Variants in ZNF560 observed in about 807,000 individuals in gnomAD.
ZNF560 encodes the protein zinc finger protein 560.
In ZNF560, 54 loss-of-function variants were observed where a neutral mutation model predicts 81.8. That is an observed-to-expected ratio of 0.66 (90% CI 0.53 to 0.83). The LOEUF (loss-of-function observed/expected upper bound fraction) is 0.83. Ranked by LOEUF, ZNF560 falls within the 40% of genes least tolerant of loss-of-function variation. ZNF560 has a pLI of 0.00. For synonymous variants in ZNF560, 321 were observed against 317.9 expected, an observed-to-expected ratio of 1.01 and a Z score of -0.10; for missense variants, 940 against 932.4, an observed-to-expected ratio of 1.01 and a Z score of -0.11.
intron 2 of ZNF560, among the ~76,000 whole-genome samples, chr19:9,492,547 T>C (rs976453355): frequency 2.0e-5 from 3 of 152,190 alleles, no homozygotes; most frequent in African/African-American, 7.2e-5. Context: ...CCCATTTCAC[T>C]GCAAAGGAAG....
At chr19:9,491,209 C>T (rs2073467413) in intron 2 of ZNF560, among the ~76,000 whole-genome samples, 2 of 152,066 alleles carry the variant, frequency 1.3e-5, no homozygotes, top group Admixed American at 6.5e-5. Flanking sequence ...ACCTTCTAGG[C>T]TCAAGTGATC....
At chr19:9,503,412 C>T (rs925218290), upstream of ZNF560, among the ~76,000 whole-genome samples, 1 of 152,106 alleles carries the variant, frequency 6.6e-6, no homozygotes, top group Non-Finnish European at 1.5e-5. Context: ...AAGAACAAGG[C>T]ACAAGCAGAT....
intron 2 of ZNF560, among the ~76,000 whole-genome samples, chr19:9,497,670 T>C (rs1006201791): frequency 6.6e-6 from 1 of 152,024 alleles, no homozygotes; most frequent in African/African-American, 2.4e-5. Flanking sequence ...GCAGCTACAA[T>C]GGATATTTAT....
the ZNF560 span, among the ~76,000 whole-genome samples, chr19:9,448,395 C>CTTTTTTTT: frequency 6.7e-5 from 6 of 89,806 alleles, 1 homozygote; most frequent in Admixed American, 1.3e-4. Context: ...CCATGCCTGG[C>CTTTTTTTT]TTTTTTTTTT....
At chr19:9,463,339 T>C (rs2072964125), downstream of ZNF560, among the ~76,000 whole-genome samples, 1 of 152,192 alleles carries the variant, frequency 6.6e-6, no homozygotes, top group South Asian at 2.1e-4. Context: ...TTCTTAGTGA[T>C]ACATCACTAT....
rs996203031 is a variant in ZNF560, at chr19:9,474,241, T to C, written c.115A>G (p.Arg39Gly). 2.5e-6 allele frequency: 4 copies of C among 1,614,120 alleles called. No homozygotes were observed. The highest frequency in any genetic ancestry group is 3.4e-6 in the Non-Finnish European group (4 of 1,179,948). The change falls in exon 4 of 10, where the codon AGA becomes GGA. Residue 39 changes from arginine (R) to glycine (G), a missense_variant. Coordinates refer to ENST00000301480, the MANE Select transcript of ZNF560 (RefSeq NM_152476.3). ...LLDPVQRNLYRDVMLENYENV... is the reference protein window; with the variant it reads ...LLDPVQRNLYGDVMLENYENV... ...TCATAATTCTCCAGCATCACATCTCTGTATAAGTTTCTCTGAACTGGGTCC... is the reference window on the plus strand; with the variant it reads ...TCATAATTCTCCAGCATCACATCTCCGTATAAGTTTCTCTGAACTGGGTCC...
chr19:9,486,350 G>C (rs1446481130), intron 2 of ZNF560, among the ~76,000 whole-genome samples: 1 of 152,174 alleles, frequency 6.6e-6, no homozygotes, highest in African/African-American at 2.4e-5. Flanking sequence ...CAACAAGACA[G>C]GCAGCCTTCC....
At chr19:9,471,400 A>G in intron 5 of ZNF560, 22 bp from the exon 6 acceptor site, 1 of 1,441,696 alleles carries the variant, frequency 6.9e-7, no homozygotes. Flanking sequence ...ACATAAACTG[A>G]GGTTTTTTTT....
chr19:9,497,551 A>C lies in ZNF560; in HGVS notation c.-57+577T>G, dbSNP rs1015109001. On this transcript the variant is annotated intron_variant, in intron 2 of 9. Coordinates refer to ENST00000301480, the MANE Select transcript of ZNF560 (RefSeq NM_152476.3). The stretch of plus-strand genomic sequence containing the variant: ...CCCCCTCTCAAAAAAAAAAAAAAAA[A>C]AAAAATGTCGAGCTTCATCTCTGCA... Among the ~76,000 whole-genome samples, 4 of 151,790 alleles carry C rather than the reference A, an allele frequency of 2.6e-5. 1 individual carries two copies. In the East Asian group the frequency reaches 7.7e-4, roughly 29 times the overall value.
chr19:9,486,013 G>C (rs762075902), intron 2 of ZNF560, among the ~76,000 whole-genome samples: 6 of 152,184 alleles, frequency 3.9e-5, no homozygotes, highest in Admixed American at 1.3e-4. Flanking sequence ...CACCAAACCA[G>C]AATAGCATCG....
intron 2 of ZNF560, among the ~76,000 whole-genome samples, chr19:9,486,670 G>A (rs920936142): frequency 2.0e-5 from 3 of 151,898 alleles, no homozygotes; most frequent in Non-Finnish European, 4.4e-5. Context: ...AACCCAGGAG[G>A]TGGAGGTTGC....
intron 2 of ZNF560, among the ~76,000 whole-genome samples, chr19:9,479,793 G>A (rs768019964): frequency 3.2e-4 from 48 of 151,976 alleles, no homozygotes; most frequent in Non-Finnish European, 5.4e-4. Context: ...GTACATGAGA[G>A]GATGTGCATG....
At chr19:9,453,431 C>A in the ZNF560 span, among the ~76,000 whole-genome samples, 1 of 151,906 alleles carries the variant, frequency 6.6e-6, no homozygotes, top group Non-Finnish European at 1.5e-5. Flanking sequence ...ATTCTAGCAA[C>A]ATTAATGTTT....
the ZNF560 span, among the ~76,000 whole-genome samples, chr19:9,460,797 A>C: frequency 1.3e-5 from 2 of 152,218 alleles, no homozygotes; most frequent in African/African-American, 4.8e-5. Context: ...CCGGTCAGAA[A>C]AAATGAATGT....
chr19:9,477,598 G>GC (rs2073222693), intron 2 of ZNF560, among the ~76,000 whole-genome samples: 1 of 152,188 alleles, frequency 6.6e-6, no homozygotes, highest in African/African-American at 2.4e-5. Flanking sequence ...CATTGCTCCT[G>GC]CAAGAGGACA....
chr19:9,469,942 C>T, intron 7 of ZNF560: 1 of 491,684 alleles, frequency 2.0e-6, no homozygotes. Flanking sequence ...GTGAGCTGCA[C>T]TTTTTCTTTC....
chr19:9,480,572 A>C (rs992516531), intron 2 of ZNF560, among the ~76,000 whole-genome samples: 2 of 152,192 alleles, frequency 1.3e-5, no homozygotes, highest in African/African-American at 4.8e-5. Context: ...ACTAAAAAAA[A>C]ATCACAAAAG....
chr19:9,449,218 A>G, the ZNF560 span, among the ~76,000 whole-genome samples: 3 of 152,204 alleles, frequency 2.0e-5, no homozygotes, highest in Non-Finnish European at 2.9e-5. Context: ...CTGCACACAG[A>G]ACACTCAAAG....
the ZNF560 span, among the ~76,000 whole-genome samples, chr19:9,446,213 C>G: frequency 2.0e-5 from 3 of 150,232 alleles, no homozygotes; most frequent in South Asian, 6.2e-4. Flanking sequence ...ACTTTGAACG[C>G]TGATTTTTTT....
Sources: gnomAD v4.1 joint callset for allele counts (sites outside exome capture counted in the v4.1 genomes callset) on GRCh38, gnomAD v4.1.1 for gene constraint, MANE v1.5 for transcripts, NCBI Gene and HGNC (gene_info 2026-07-23, HGNC 2026-07-21) for gene names.